The following VPS8 variants were observed in gnomAD, a reference collection of about 807,000 sequenced individuals.
VPS8 encodes vacuolar protein sorting-associated protein 8 homolog.
Under a neutral mutation model 216.4 loss-of-function variants are expected in VPS8, and 129 were observed. That is an observed-to-expected ratio of 0.60 (90% CI 0.52 to 0.69). The LOEUF is 0.69. Ranked by LOEUF, VPS8 falls within the 30% of genes least tolerant of loss-of-function variation. The pLI, the probability that VPS8 is intolerant of heterozygous loss-of-function variation, is 0.00. For missense variants in VPS8, 1,531 were observed against 1,683.5 expected (o/e 0.91, Z 1.59); for synonymous variants, 571 against 565.4 (o/e 1.01, Z -0.14).
At chr3:184,889,367 A>G (rs1028493842) in intron 22 of VPS8, among the ~76,000 whole-genome samples, 3 of 152,142 alleles carry the variant, frequency 2.0e-5, no homozygotes, top group African/African-American at 7.2e-5. Context: ...CACCTCCAAG[A>G]GGAAGAGAAT....
intron 30 of VPS8, among the ~76,000 whole-genome samples, chr3:184,926,206 T>G (rs1259343453): frequency 1.3e-5 from 2 of 151,298 alleles, no homozygotes; most frequent in African/African-American, 4.9e-5. Flanking sequence ...GAACCCCGTC[T>G]CTACTAAAAA....
chr3:184,875,443 C>T (rs1481644793), intron 21 of VPS8, among the ~76,000 whole-genome samples: 1 of 152,110 alleles, frequency 6.6e-6, no homozygotes, highest in East Asian at 1.9e-4. Flanking sequence ...AGATTTCAAC[C>T]TATAATTATA....
chr3:184,980,095 C>T (rs1749950107), intron 40 of VPS8, among the ~76,000 whole-genome samples: 1 of 152,118 alleles, frequency 6.6e-6, no homozygotes, highest in African/African-American at 2.4e-5. Flanking sequence ...GAATTTTTTT[C>T]TGTAAGAATG....
intron 44 of VPS8, among the ~76,000 whole-genome samples, chr3:184,997,927 T>G (rs1752833157): frequency 6.6e-6 from 1 of 152,070 alleles, no homozygotes; most frequent in South Asian, 2.1e-4. Context: ...TAAGTGACGT[T>G]TGAGGGGATC....
chr3:184,860,092 C>A lies in VPS8; in HGVS notation c.1224+27C>A, dbSNP rs201764562. ...TGAGTATTATTCAAATTAAATATCC[C>A]CATTTAGTTCATGTAATTGTTCTGA... On this transcript the variant is annotated intron_variant, in intron 15 of 47. Transcript: ENST00000625842. 3.0e-5 allele frequency: 46 copies of A among 1,515,090 alleles called. No homozygotes were observed. In the East Asian group the frequency reaches 1.0e-3, roughly 33 times the overall value. 93.9% of individuals were successfully genotyped at this position (1,515,090 alleles called of 1,614,324 possible).
chr3:184,847,639 A>G (rs1185521239), intron 8 of VPS8, among the ~76,000 whole-genome samples: 1 of 152,206 alleles, frequency 6.6e-6, no homozygotes, highest in African/African-American at 2.4e-5. Context: ...CATTTTTCTA[A>G]ATAGTTAAAT....
intron 36 of VPS8, among the ~76,000 whole-genome samples, chr3:184,953,257 TTTTA>T (rs1212505961): frequency 6.6e-6 from 1 of 152,084 alleles, no homozygotes; most frequent in Non-Finnish European, 1.5e-5. Flanking sequence ...CAGGAAGAGT[TTTTA>T]AAGGCAGGGG....
At chr3:184,887,966 A>G (rs566497639) in intron 22 of VPS8, among the ~76,000 whole-genome samples, 20 of 151,678 alleles carry the variant, frequency 1.3e-4, no homozygotes, top group African/African-American at 4.6e-4. Flanking sequence ...TGTTTACAGT[A>G]GGGATCTTGT....
chr3:184,947,235 A>G (rs1743847938), intron 36 of VPS8, among the ~76,000 whole-genome samples: 1 of 152,090 alleles, frequency 6.6e-6, no homozygotes, highest in Non-Finnish European at 1.5e-5. Context: ...GAGTTCCCCC[A>G]CATTTTCATT....
intron 31 of VPS8, among the ~76,000 whole-genome samples, 192 bp downstream of exon 31, chr3:184,926,842 T>A (rs893097439): frequency 1.7e-4 from 26 of 152,198 alleles, no homozygotes; most frequent in African/African-American, 6.3e-4. Context: ...GAAGCTTATA[T>A]CAAACTAAAT....
rs1740302066 is a variant in VPS8 at position 184,929,496 on chromosome 3, TC to T, written c.2715-82del. On this transcript the variant is annotated intron_variant, in intron 32 of 47. Transcript: ENST00000625842. ...TGAGCCAGGACACCTGGCCCACTTT[TC>T]CTAATACTAACCTGTGTGCCAGAGC... is the stretch of plus-strand genomic sequence containing the variant. The T allele has an allele frequency of 6.2e-5, 49 of 793,908 alleles. No homozygotes were observed. The East Asian group carries it at 1.4e-3, about 23-fold the overall frequency. The allele number at this position is 793,908 out of a possible 1,614,324, so 49.2% of individuals were successfully genotyped here. A position where few individuals can be genotyped will look rare whatever the true frequency, so the allele number is the denominator to read the frequency against.
At chr3:184,839,307 G>C (rs992778244) in intron 6 of VPS8, 1 of 193,746 alleles carries the variant, frequency 5.2e-6, no homozygotes, top group Non-Finnish European at 1.0e-5. Flanking sequence ...AGGCCCCTGC[G>C]GATAAACTAG....
intron 40 of VPS8, among the ~76,000 whole-genome samples, chr3:184,973,132 C>G (rs1225904558): frequency 6.6e-6 from 1 of 152,098 alleles, no homozygotes; most frequent in Non-Finnish European, 1.5e-5. Flanking sequence ...TTAAAAGAAA[C>G]TGTCTGTGAA....
At chr3:184,990,799 A>G (rs781667107) in intron 42 of VPS8, among the ~76,000 whole-genome samples, 1 of 152,172 alleles carries the variant, frequency 6.6e-6, no homozygotes, top group African/African-American at 2.4e-5. Context: ...TAGATGCACA[A>G]TTGCTCAGAT....
At chr3:184,928,375 G>A in intron 31 of VPS8, 76 bp from the exon 32 acceptor site, 1 of 1,317,794 alleles carries the variant, frequency 7.6e-7, no homozygotes, top group Non-Finnish European at 1.0e-6. Flanking sequence ...AAATGTTATA[G>A]TCTGCATGGC....
In VPS8 at chr3:184,903,972, TC is replaced by T. The variant is rs1735035097; in HGVS notation, c.2146+3002del. ...TAATGTATAGGTCATATACTCCTTT[TC>T]CTCCTCCTAAGTATTTTATTCACCT... On this transcript the variant is annotated intron_variant, in intron 25 of 47. Coordinates refer to ENST00000625842, the MANE Select transcript of VPS8 (RefSeq NM_001009921.3). Among the ~76,000 whole-genome samples, 3 of 152,300 alleles carry T rather than the reference TC, an allele frequency of 2.0e-5. No individual in the cohort carries two copies. In the South Asian group the frequency reaches 6.2e-4, roughly 32 times the overall value.
intron 2 of VPS8, among the ~76,000 whole-genome samples, chr3:184,825,665 G>C (rs1160935280): frequency 6.6e-6 from 1 of 152,190 alleles, no homozygotes; most frequent in African/African-American, 2.4e-5. Context: ...ACTTTATGAG[G>C]CCGAGATGGG....
chr3:184,999,604 G>C, intron 44 of VPS8, 92 bp from the exon 45 acceptor site: 1 of 1,419,598 alleles, frequency 7.0e-7, no homozygotes, highest in South Asian at 1.5e-5. Flanking sequence ...CTACTTGTTA[G>C]AGATTTTTAT....
chr3:185,014,885 C>T lies in VPS8; in HGVS notation c.4003-9451C>T, dbSNP rs148067481. 2.0e-3 allele frequency among the ~76,000 whole-genome samples: 299 copies of T among 152,284 alleles called. 1 individual carries two copies. The highest frequency in any genetic ancestry group is 3.4e-3 in the Middle Eastern group (1 of 294). On this transcript the variant is annotated intron_variant, in intron 45 of 47. Transcript: ENST00000625842. Reference sequence around the variant, plus strand: ...TAATAGAAGCTGGAATGCCCATCACCGCAAAACACTGGAAAAGGTGATCTT... The same window carrying T: ...TAATAGAAGCTGGAATGCCCATCACTGCAAAACACTGGAAAAGGTGATCTT...
Sources: allele counts gnomAD v4.1 joint callset (sites outside exome capture counted in the v4.1 genomes callset), GRCh38; gene constraint gnomAD v4.1.1; transcripts MANE v1.5; gene names NCBI Gene and HGNC (gene_info 2026-07-23, HGNC 2026-07-21).